Variants in CLDN16 observed in about 807,000 individuals in gnomAD.
CLDN16 encodes the protein claudin 16, also known as claudin-16.
A neutral mutation model predicts 24.6 loss-of-function variants in CLDN16; 13 were observed. That is an observed-to-expected ratio of 0.53 (90% confidence interval 0.34 to 0.84). The LOEUF (loss-of-function observed/expected upper bound fraction) is 0.84. Ranked by LOEUF, CLDN16 falls within the 40% of genes least tolerant of loss-of-function variation. CLDN16 has a pLI of 0.01. For synonymous variants in CLDN16, 116 were observed against 106.7 expected, an observed-to-expected ratio of 1.09 and a Z score of -0.54; for missense variants, 298 against 292.7, an observed-to-expected ratio of 1.02 and a Z score of -0.13.
At chr3:190,325,140 G>A (rs1322678777) in intron 1 of CLDN16, among the ~76,000 whole-genome samples, 2 of 152,150 alleles carry the variant, frequency 1.3e-5, no homozygotes, top group East Asian at 3.9e-4. Flanking sequence ...CAAGTGTTGA[G>A]GTCAGAGTTT....
chr3:190,323,351 A>T (rs1219145001), intron 1 of CLDN16, among the ~76,000 whole-genome samples: 1 of 152,162 alleles, frequency 6.6e-6, no homozygotes, highest in Non-Finnish European at 1.5e-5. Context: ...CCCCAGTGGC[A>T]AAAGGACTGG....
chr3:190,332,231 AT>A (rs2108623706), intron 1 of CLDN16, among the ~76,000 whole-genome samples: 1 of 152,316 alleles, frequency 6.6e-6, no homozygotes, highest in Non-Finnish European at 1.5e-5. Context: ...AAGTACATTG[AT>A]TTTCCTTGTA....
At chr3:190,369,519 C>G (rs1252500461) in intron 1 of CLDN16, among the ~76,000 whole-genome samples, 1 of 151,980 alleles carries the variant, frequency 6.6e-6, no homozygotes, top group Admixed American at 6.6e-5. Flanking sequence ...GCAAACCACT[C>G]CACCAATGAA....
intron 3 of CLDN16, among the ~76,000 whole-genome samples, chr3:190,407,920 G>A (rs1719146827): frequency 6.6e-6 from 1 of 152,028 alleles, no homozygotes; most frequent in South Asian, 2.1e-4. Flanking sequence ...ATGAACATAT[G>A]CTCTATGTTG....
At chr3:190,350,232 C>T (rs1019763991) in intron 1 of CLDN16, among the ~76,000 whole-genome samples, 5 of 151,922 alleles carry the variant, frequency 3.3e-5, no homozygotes, top group Non-Finnish European at 7.4e-5. Context: ...AGACATGATT[C>T]ATTTTATTCC....
At chr3:190,308,288 C>G in the CLDN16 span, 1 of 1,613,836 alleles carries the variant, frequency 6.2e-7, no homozygotes, top group African/African-American at 1.3e-5. Context: ...CACACGTAGT[C>G]TTTCCCGCTG....
intron 1 of CLDN16, among the ~76,000 whole-genome samples, chr3:190,333,576 ATCT>A (rs1463715563): frequency 7.5e-4 from 19 of 25,396 alleles, no homozygotes; most frequent in African/African-American, 2.5e-3. Flanking sequence ...CTATCTATCT[ATCT>A]ATCAATCATC....
the CLDN16 span, chr3:190,305,657 C>A: frequency 1.3e-5 from 2 of 152,028 alleles, no homozygotes; most frequent in Non-Finnish European, 2.9e-5. Context: ...ACCTCCTCTA[C>A]CAAGAATGGC....
chr3:190,378,756 T>G (rs1271377706), intron 3 of CLDN16, among the ~76,000 whole-genome samples: 1 of 152,022 alleles, frequency 6.6e-6, no homozygotes, highest in Non-Finnish European at 1.5e-5. Context: ...CTCATCTACA[T>G]TGGCTTTTGT....
In CLDN16 at chr3:190,388,385, T is replaced by G; in HGVS notation, c.56T>G (p.Phe19Cys). 1 of 1,614,074 alleles carries G rather than the reference T, an allele frequency of 6.2e-7. No individual in the cohort carries two copies. The highest frequency in any genetic ancestry group is 8.5e-7 in the Non-Finnish European group (1 of 1,179,992). Residue 19 changes from phenylalanine (F) to cysteine (C), a missense_variant, in exon 1 of 5, where the codon TTT becomes TGT. Phe to Cys is a radical substitution (Grantham distance 205). Coordinates refer to ENST00000264734, the MANE Select transcript of CLDN16 (RefSeq NM_006580.4). ...ACFFAFFSAGFLIVATWTDCW... is the reference protein window; with the variant it reads ...ACFFAFFSAGCLIVATWTDCW... ...TTCTTTGCCTTTTTCTCTGCTGGGT[T>G]TTTGATTGTGGCCACCTGGACTGAC...
At chr3:190,341,199 G>A (rs543744805) in intron 1 of CLDN16, among the ~76,000 whole-genome samples, 24 of 152,174 alleles carry the variant, frequency 1.6e-4, no homozygotes, top group Non-Finnish European at 7.3e-5. Context: ...CCCCAGTAGG[G>A]ACTCTATGTG....
intron 3 of CLDN16, among the ~76,000 whole-genome samples, chr3:190,405,823 TTAAG>T (rs1281309624): frequency 2.0e-5 from 3 of 152,218 alleles, no homozygotes; most frequent in African/African-American, 4.8e-5. Flanking sequence ...AAAAAGCACT[TTAAG>T]TAGTATTTAT....
At chr3:190,372,459 A>G (rs1577414114) in intron 2 of CLDN16, among the ~76,000 whole-genome samples, 1 of 151,708 alleles carries the variant, frequency 6.6e-6, no homozygotes, top group South Asian at 2.1e-4. Context: ...GCTGGGAAAC[A>G]TGTTGAGACC....
At chr3:190,344,908 C>G (rs116835481) in intron 1 of CLDN16, among the ~76,000 whole-genome samples, 4,486 of 152,064 alleles carry the variant, frequency 0.03, 106 homozygotes, top group East Asian at 0.08. Flanking sequence ...CAGATCGATT[C>G]AGAGGAAATA....
At chr3:190,327,549 A>T (rs2108620812) in intron 1 of CLDN16, among the ~76,000 whole-genome samples, 1 of 152,346 alleles carries the variant, frequency 6.6e-6, no homozygotes, top group Non-Finnish European at 1.5e-5. Flanking sequence ...GAAAAAGTAA[A>T]GTAGTTTATC....
At chr3:190,352,346 A>G (rs979583498) in intron 1 of CLDN16, among the ~76,000 whole-genome samples, 4 of 152,118 alleles carry the variant, frequency 2.6e-5, no homozygotes, top group Middle Eastern at 6.3e-3. Context: ...ATTTAATTAT[A>G]TTGGAATAGC....
At position 190,382,622 on chromosome 3, in the gene CLDN16, G is replaced by A. The variant is rs528077595; in HGVS notation, n.306+8019G>A. Among the ~76,000 whole-genome samples, 3 of 152,158 alleles carry A rather than the reference G, an allele frequency of 2.0e-5. No individual in the cohort carries two copies. In the South Asian group the frequency reaches 6.2e-4, roughly 32 times the overall value. On this transcript the variant is annotated intron_variant and non_coding_transcript_variant, in intron 3 of 4. Transcript: ENST00000468220. Reference sequence around the variant, plus strand: ...TTCAGTCAGTTCTAACTGTTGGAAAGTCCCTTCTTAATTGAGCATAATTCT... The same window carrying A: ...TTCAGTCAGTTCTAACTGTTGGAAAATCCCTTCTTAATTGAGCATAATTCT...
intron 1 of CLDN16, 152 bp downstream of exon 1, chr3:190,388,595 C>A: frequency 2.7e-6 from 2 of 739,490 alleles, no homozygotes; most frequent in Non-Finnish European, 2.4e-6. Context: ...ACATTATTAG[C>A]TCATTTAATC....
chr3:190,345,621 T>C (rs1279556751), intron 1 of CLDN16, among the ~76,000 whole-genome samples: 1 of 152,178 alleles, frequency 6.6e-6, no homozygotes, highest in African/African-American at 2.4e-5. Flanking sequence ...CTAGAAAGAC[T>C]CTTTGATGAG....
Sources: gnomAD v4.1 joint callset for allele counts (sites outside exome capture counted in the v4.1 genomes callset) on GRCh38, gnomAD v4.1.1 for gene constraint, MANE v1.5 for transcripts, NCBI Gene and HGNC (gene_info 2026-07-23, HGNC 2026-07-21) for gene names.